The following PTPRD variants were observed in gnomAD, a reference collection of about 807,000 sequenced individuals.
The protein encoded by PTPRD is protein tyrosine phosphatase receptor type D.
In PTPRD, 34 loss-of-function variants were observed where a neutral mutation model predicts 214.5. That is an observed-to-expected ratio of 0.16 (90% CI 0.12 to 0.21). The LOEUF (loss-of-function observed/expected upper bound fraction) is 0.21, where lower values mean the gene tolerates loss of function less well. Among genes scored for constraint, PTPRD ranks in the 10% least tolerant of loss-of-function variants. PTPRD has a pLI of 1.00. For synonymous variants in PTPRD, 1,128 were observed against 845.7 expected, an observed-to-expected ratio of 1.33 and a Z score of -5.79; for missense variants, 2,545 against 2,398.7, an observed-to-expected ratio of 1.06 and a Z score of -1.27.
At chr9:8,333,421 T>C (rs1843387941) in intron 43 of PTPRD, among the ~76,000 whole-genome samples, 1 of 152,174 alleles carries the variant, frequency 6.6e-6, no homozygotes, top group Admixed American at 6.5e-5. Flanking sequence ...AATACTGTAA[T>C]TTTCAACCCA....
chr9:9,363,111 C>CTTTTTTTTTTTTTTTTTTTTTTTTTTTT (rs3048061), intron 9 of PTPRD, among the ~76,000 whole-genome samples: 1 of 129,862 alleles, frequency 7.7e-6, no homozygotes, highest in Non-Finnish European at 1.7e-5. Context: ...CTATTTTGTG[C>CTTTTTTTTTTTTTTTTTTTTTTTTTTTT]TTTTTTTTTT....
intron 8 of PTPRD, among the ~76,000 whole-genome samples, chr9:9,480,279 T>C (rs1302644018): frequency 1.3e-5 from 2 of 152,146 alleles, no homozygotes; most frequent in Non-Finnish European, 2.9e-5. Flanking sequence ...AAGAAATACA[T>C]TTTCTCTTCT....
chr9:10,464,428 G>GAC (rs1200732424), intron 2 of PTPRD, among the ~76,000 whole-genome samples: 1 of 151,132 alleles, frequency 6.6e-6, no homozygotes, highest in Admixed American at 6.6e-5. Flanking sequence ...GAGAGAGAGA[G>GAC]AGACAGAGAG....
intron 5 of PTPRD, among the ~76,000 whole-genome samples, chr9:9,844,664 G>C (rs975272091): frequency 3.3e-5 from 5 of 151,656 alleles, no homozygotes; most frequent in African/African-American, 1.2e-4. Flanking sequence ...ACAGTTATTA[G>C]CTTTATTTAT....
At chr9:10,016,116 A>G (rs955446194) in intron 4 of PTPRD, among the ~76,000 whole-genome samples, 1 of 152,170 alleles carries the variant, frequency 6.6e-6, no homozygotes, top group African/African-American at 2.4e-5. Context: ...TGTGGTTGGT[A>G]AAGGTCTAAT....
intron 12 of PTPRD, among the ~76,000 whole-genome samples, chr9:8,637,563 T>A (rs762578518): frequency 2.6e-5 from 4 of 152,196 alleles, no homozygotes; most frequent in Non-Finnish European, 5.9e-5. Flanking sequence ...TTGTTCAACA[T>A]CCTCCATCTC....
At chr9:8,836,275 A>G (rs2097419901) in intron 11 of PTPRD, among the ~76,000 whole-genome samples, 1 of 152,166 alleles carries the variant, frequency 6.6e-6, no homozygotes, top group South Asian at 2.1e-4. Flanking sequence ...TGATAGTCTA[A>G]GAGAACATTG....
chr9:9,221,701 C>G (rs1411198051), intron 9 of PTPRD, among the ~76,000 whole-genome samples: 1 of 152,034 alleles, frequency 6.6e-6, no homozygotes. Context: ...TCTCCAAATA[C>G]AGTTACATTG....
intron 3 of PTPRD, among the ~76,000 whole-genome samples, chr9:10,080,587 A>G (rs1447957827): frequency 1.3e-5 from 2 of 152,122 alleles, no homozygotes; most frequent in Non-Finnish European, 2.9e-5. Context: ...ATTAAGAAAC[A>G]TGTTCTACAT....
intron 2 of PTPRD, among the ~76,000 whole-genome samples, chr9:10,353,019 G>C (rs1441974508): frequency 3.3e-5 from 5 of 151,888 alleles, no homozygotes; most frequent in Non-Finnish European, 7.4e-5. Flanking sequence ...ATGTATGTGA[G>C]GCAAGGTATA....
intron 2 of PTPRD, among the ~76,000 whole-genome samples, chr9:10,550,715 C>A (rs1566886863): frequency 6.6e-6 from 1 of 152,142 alleles, no homozygotes; most frequent in South Asian, 2.1e-4. Context: ...CAGAAATACC[C>A]CATGATATGT....
intron 2 of PTPRD, among the ~76,000 whole-genome samples, chr9:10,507,497 C>G (rs2046418866): frequency 6.6e-6 from 1 of 152,102 alleles, no homozygotes; most frequent in Non-Finnish European, 1.5e-5. Flanking sequence ...CCAAGACAAT[C>G]CTAAGCCAAA....
chr9:8,460,442 A>C lies in PTPRD; in HGVS notation c.3844T>G (p.Cys1282Gly). Residue 1282 changes from cysteine to glycine, a missense_variant, in exon 33 of 46, where the codon TGC becomes GGC. Cys to Gly is a radical substitution (Grantham distance 159). Coordinates refer to ENST00000381196, the MANE Select transcript of PTPRD (RefSeq NM_002839.4). ...GPVLAVVFII[C>G]IVIAILLYKR... ...TAAAGAAGAATAGCAATGACAATGCAGATGATAAAGACCACTGCAAGGACA... is the reference window on the plus strand; with the variant it reads ...TAAAGAAGAATAGCAATGACAATGCCGATGATAAAGACCACTGCAAGGACA... 6.2e-7 allele frequency: 1 copy of C among 1,613,244 alleles called. No individual in the cohort carries two copies. The highest frequency in any genetic ancestry group is 8.5e-7 in the Non-Finnish European group (1 of 1,179,524).
intron 2 of PTPRD, among the ~76,000 whole-genome samples, chr9:10,465,378 T>G (rs1435813336): frequency 6.6e-6 from 1 of 152,052 alleles, no homozygotes; most frequent in Non-Finnish European, 1.5e-5. Context: ...TAGATGCAAA[T>G]AAATGGAAAT....
chr9:9,834,937 T>A (rs571231205), intron 5 of PTPRD, among the ~76,000 whole-genome samples: 3 of 151,188 alleles, frequency 2.0e-5, no homozygotes, highest in African/African-American at 7.3e-5. Context: ...GTACTTTTGT[T>A]TTTTTTTTGT....
chr9:9,919,605 A>G (rs2081975376), intron 5 of PTPRD, among the ~76,000 whole-genome samples: 1 of 152,202 alleles, frequency 6.6e-6, no homozygotes, highest in Non-Finnish European at 1.5e-5. Context: ...TTCCTGCCTG[A>G]ATGCAGCAGA....
chr9:8,713,740 C>T (rs1202780081), intron 12 of PTPRD: 7 of 1,505,228 alleles, frequency 4.7e-6, no homozygotes, highest in Non-Finnish European at 3.6e-6. Context: ...GGCTGTCAAG[C>T]AGTTCCACGA....
intron 2 of PTPRD, among the ~76,000 whole-genome samples, chr9:10,564,819 T>C (rs1464582759): frequency 6.6e-6 from 1 of 152,200 alleles, no homozygotes; most frequent in Admixed American, 6.5e-5. Flanking sequence ...TAGACCATAA[T>C]GAATACTTAC....
At position 8,471,006 on chromosome 9, in the gene PTPRD, C is replaced by G. The variant is rs754731641; in HGVS notation, c.3493G>C (p.Glu1165Gln). The G allele has an allele frequency of 3.1e-6, 5 of 1,612,820 alleles. No individual in the cohort carries two copies. Among genetic ancestry groups the G allele is most frequent in the South Asian group, 1.1e-5 (1 of 91,050 alleles). Residue 1165 changes from glutamate to glutamine, a missense_variant, in exon 31 of 46, where the codon GAA becomes CAA. By Grantham distance (29) the Glu-to-Gln change is conservative. Coordinates refer to ENST00000381196, the MANE Select transcript of PTPRD (RefSeq NM_002839.4). Reference protein sequence around the residue: ...IKPWESPDEMELDELLKEISR... With the variant: ...IKPWESPDEMQLDELLKEISR... ...AATGACACAGTTACCTCATCTAATT[C>G]CATTTCATCTGGACTCTCCCATGGC...
Sources: allele counts gnomAD v4.1 joint callset (sites outside exome capture counted in the v4.1 genomes callset), GRCh38; gene constraint gnomAD v4.1.1; transcripts MANE v1.5; gene names NCBI Gene and HGNC (gene_info 2026-07-23, HGNC 2026-07-21).